Variants in PRKN observed in about 807,000 individuals in gnomAD.
The protein encoded by PRKN is parkin RBR E3 ubiquitin protein ligase.
In PRKN, 56 loss-of-function variants were observed where a neutral mutation model predicts 59.5. The observed-to-expected ratio is 0.94, with a 90% CI of 0.76 to 1.18. The LOEUF is 1.18. PRKN is among the 50% of genes most tolerant of loss of function. PRKN has a pLI of 0.00. For synonymous variants in PRKN, 250 were observed against 222.1 expected, an observed-to-expected ratio of 1.13 and a Z score of -1.12; for missense variants, 657 against 596.4, an observed-to-expected ratio of 1.10 and a Z score of -1.06.
chr6:162,384,659 A>C (rs955001353), intron 2 of PRKN, among the ~76,000 whole-genome samples: 400 of 143,550 alleles, frequency 2.8e-3, no homozygotes, highest in African/African-American at 3.9e-3. Flanking sequence ...AAAAAAAAAA[A>C]AAACAAAAAA....
chr6:162,262,586 C>T lies in PRKN; in HGVS notation c.351G>A (p.Val117=). The T allele has an allele frequency of 6.2e-7, 1 of 1,613,144 alleles. No homozygotes were observed. The highest frequency in any genetic ancestry group is 1.3e-5 in the African/African-American group (1 of 74,986). Reference sequence around the variant, plus strand: ...CAGTGTGCAGAATGACAGCCAGCCCCACAGAGTCTCCTGGGAGGACTGAGC... The same window carrying T: ...CAGTGTGCAGAATGACAGCCAGCCCTACAGAGTCTCCTGGGAGGACTGAGC... ...LSSSVLPGDS[V]GLAVILHTDS... is the part of the protein sequence containing the mutation. The change falls in exon 3 of 12, where the codon GTG becomes GTA. Residue 117 remains valine (V), a synonymous_variant. Transcript: ENST00000366898.
intron 4 of PRKN, among the ~76,000 whole-genome samples, chr6:162,193,300 G>A (rs1161944675): frequency 2.0e-5 from 3 of 152,196 alleles, no homozygotes; most frequent in East Asian, 1.9e-4. Context: ...GAGTAACAAC[G>A]AATTGGCTAA....
In PRKN at chr6:161,451,397, G is replaced by A. The variant is rs888875758; in HGVS notation, c.1084-64520C>T. Among the ~76,000 whole-genome samples the A allele has an allele frequency of 6.6e-6, 1 of 152,172 alleles. No individual in the cohort carries two copies. Among genetic ancestry groups the A allele is most frequent in the African/African-American group, 2.4e-5 (1 of 41,428 alleles). On this transcript the variant is annotated intron_variant, in intron 9 of 11. Coordinates refer to ENST00000366898, the MANE Select transcript of PRKN (RefSeq NM_004562.3). The surrounding 1 kb of genome is among the most constrained non-coding windows in gnomAD (Gnocchi z 5.9). ...TGAATATAAAGTTAGGATGTGGCCT[G>A]ATTAGCATAGGCAGAGTACTGAGAA...
At chr6:162,319,158 T>C (rs1782877700) in intron 2 of PRKN, among the ~76,000 whole-genome samples, 1 of 151,940 alleles carries the variant, frequency 6.6e-6, no homozygotes, top group Non-Finnish European at 1.5e-5. Flanking sequence ...GAAACAAACA[T>C]ATTTGTTTTA....
chr6:162,054,302 G>T (rs1345023939), intron 4 of PRKN, 128 bp from the exon 5 acceptor site: 1 of 740,704 alleles, frequency 1.4e-6, no homozygotes, highest in Middle Eastern at 3.1e-4. Context: ...TTCAAAGTGT[G>T]GTCTGCAGAC....
rs185514836 is a variant in PRKN, at chr6:161,561,492, T to G, written c.933+7863A>C. Among the ~76,000 whole-genome samples the G allele has an allele frequency of 3.2e-4, 49 of 152,292 alleles. No homozygotes were observed. The highest frequency in any genetic ancestry group is 1.1e-3 in the African/African-American group (44 of 41,566). On this transcript the variant is annotated intron_variant, in intron 8 of 11. Coordinates refer to ENST00000366898, the MANE Select transcript of PRKN (RefSeq NM_004562.3). This position sits in a 1 kb window ranked among gnomAD's most constrained non-coding sequence, Gnocchi z 5.0. Reference sequence around the variant, plus strand: ...CTCTTCTATGTGGAAGACGCAGCAGTGAAAAATGACATCTTCCTTCGTGGA... The same window carrying G: ...CTCTTCTATGTGGAAGACGCAGCAGGGAAAAATGACATCTTCCTTCGTGGA...
rs111760254 is a variant in PRKN at position 162,387,464 on chromosome 6, A to G, written c.171+55846T>C. 4.1e-3 allele frequency among the ~76,000 whole-genome samples: 628 copies of G among 151,882 alleles called. 7 individuals carry two copies. The highest frequency in any genetic ancestry group is 0.014 in the African/African-American group (599 of 41,414). ...GAGAAACAACGATAATAATTGCTCAAATTATTGAAGTTAAGAAGAAAATAA... is the reference window on the plus strand; with the variant it reads ...GAGAAACAACGATAATAATTGCTCAGATTATTGAAGTTAAGAAGAAAATAA... On this transcript the variant is annotated intron_variant, in intron 2 of 11. Coordinates refer to ENST00000366898, the MANE Select transcript of PRKN (RefSeq NM_004562.3).
Position 161,939,479 on chromosome 6 carries a change from C to T in PRKN, c.734+33823G>A, listed in dbSNP as rs555765608. Among the ~76,000 whole-genome samples, 30 of 146,512 alleles carry T rather than the reference C, an allele frequency of 2.0e-4. 1 individual carries two copies. The South Asian group carries it at 6.5e-3, about 32-fold the overall frequency. ...GGGCATGGTGGCTCACACTTGTAAT[C>T]CCAGCACTTTGGGAGGCCGAGGCAG... On this transcript the variant is annotated intron_variant, in intron 6 of 11. Coordinates refer to ENST00000366898, the MANE Select transcript of PRKN (RefSeq NM_004562.3).
At chr6:162,517,297 G>A (rs1412251787) in intron 1 of PRKN, among the ~76,000 whole-genome samples, 1 of 151,000 alleles carries the variant, frequency 6.6e-6, no homozygotes, top group African/African-American at 2.4e-5. Context: ...GCCCAGGCTG[G>A]AGTGCAGTGA....
chr6:162,164,303 C>A (rs1782886283), intron 4 of PRKN, among the ~76,000 whole-genome samples: 1 of 148,784 alleles, frequency 6.7e-6, no homozygotes. Context: ...GGCTCTGCAA[C>A]CCCCATCTCC....
chr6:162,057,157 T>C (rs1437550117), intron 4 of PRKN, among the ~76,000 whole-genome samples: 3 of 152,186 alleles, frequency 2.0e-5, no homozygotes, highest in Admixed American at 6.5e-5. Flanking sequence ...GGGCTCATCA[T>C]TAATATCACA....
In PRKN at chr6:162,356,747, TAAAAAAA is replaced by T. The variant is rs748212596; in HGVS notation, c.171+86556_171+86562del. Among the ~76,000 whole-genome samples, 110 of 73,062 alleles carry T rather than the reference TAAAAAAA, an allele frequency of 1.5e-3. No homozygotes were observed. In the East Asian group the frequency reaches 0.034, roughly 22 times the overall value. The allele number at this position is 73,062 out of a possible 152,430, so 47.9% of individuals were successfully genotyped here. ...CACAGTAATAAAGTGTGATTATTAGTAAAAAAAAAAAAAAAAAAAAAAAGATAAGATA... is the reference window on the plus strand; with the variant it reads ...CACAGTAATAAAGTGTGATTATTAGTAAAAAAAAAAAAAAAAGATAAGATA... On this transcript the variant is annotated intron_variant, in intron 2 of 11. Coordinates refer to ENST00000366898, the MANE Select transcript of PRKN (RefSeq NM_004562.3).
intron 6 of PRKN, among the ~76,000 whole-genome samples, chr6:161,917,485 G>A (rs967659973): frequency 3.3e-5 from 5 of 151,910 alleles, no homozygotes; most frequent in Non-Finnish European, 5.9e-5. Context: ...CATTTTAAAA[G>A]CAATTTTGGC....
chr6:162,710,416 A>ACAC lies in PRKN; in HGVS notation c.7+17245_7+17246insGTG, dbSNP rs1778494282. Among the ~76,000 whole-genome samples the ACAC allele has an allele frequency of 7.8e-5, 4 of 51,106 alleles. No individual in the cohort carries two copies. In the South Asian group the frequency reaches 2.2e-3, roughly 28 times the overall value. 33.5% of individuals were successfully genotyped at this position (51,106 alleles called of 152,430 possible). A position where few individuals can be genotyped will look rare whatever the true frequency, so the allele number is the denominator to read the frequency against. On this transcript the variant is annotated intron_variant, in intron 1 of 11. Coordinates refer to ENST00000366898, the MANE Select transcript of PRKN (RefSeq NM_004562.3). ...ACACACACACACACACACACACACAACTGTTTGGTATGATGAGGAAGAAAG... is the reference window on the plus strand; with the variant it reads ...ACACACACACACACACACACACACAACACCTGTTTGGTATGATGAGGAAGAAAG...
chr6:161,388,212 T>G lies in PRKN; in HGVS notation c.1084-1335A>C, dbSNP rs1410273000. On this transcript the variant is annotated intron_variant, in intron 9 of 11. Transcript: ENST00000366898. This position sits in a 1 kb window ranked among gnomAD's most constrained non-coding sequence, Gnocchi z 4.3. The stretch of plus-strand genomic sequence containing the variant: ...CCACCTTGGTTTCTGTGCCTTGGTT[T>G]CCACCTTGGAAATGCTAGGATAACA... 6.6e-6 allele frequency among the ~76,000 whole-genome samples: 1 copy of G among 152,218 alleles called. No individual in the cohort carries two copies. Among genetic ancestry groups the G allele is most frequent in the Admixed American group, 6.5e-5 (1 of 15,288 alleles).
At chr6:162,007,793 G>C (rs933454761) in intron 5 of PRKN, among the ~76,000 whole-genome samples, 1 of 152,102 alleles carries the variant, frequency 6.6e-6, no homozygotes, top group African/African-American at 2.4e-5. Context: ...GCTATCCTGA[G>C]TTCTCTATAA....
chr6:162,718,205 A>C (rs1258800145), intron 1 of PRKN, among the ~76,000 whole-genome samples: 1 of 151,532 alleles, frequency 6.6e-6, no homozygotes, highest in African/African-American at 2.4e-5. Context: ...AGACAAAAAA[A>C]ATCTTATTAC....
At chr6:161,482,493 A>G (rs1791448961) in intron 9 of PRKN, among the ~76,000 whole-genome samples, 1 of 152,246 alleles carries the variant, frequency 6.6e-6, no homozygotes, top group African/African-American at 2.4e-5. Context: ...TCTTTAAGGG[A>G]GAAAGCCGCC....
chr6:162,370,202 C>G (rs932636452), intron 2 of PRKN, among the ~76,000 whole-genome samples: 1 of 152,162 alleles, frequency 6.6e-6, no homozygotes, highest in African/African-American at 2.4e-5. Flanking sequence ...CTCATGCCTG[C>G]TTTCTTTCTG....
Sources: gnomAD v4.1 joint callset for allele counts (sites outside exome capture counted in the v4.1 genomes callset) on GRCh38, gnomAD v4.1.1 for gene constraint, Gnocchi (gnomAD v3.1) non-coding constraint, MANE v1.5 for transcripts, NCBI Gene and HGNC (gene_info 2026-07-23, HGNC 2026-07-21) for gene names.